CLCA1: variants seen among roughly 807,000 people sequenced by gnomAD.
The protein encoded by CLCA1 is chloride channel accessory 1, also known as calcium-activated chloride channel regulator 1.
CLCA1 carries 59 observed loss-of-function variants against 85.6 expected under a neutral mutation model. That is an observed-to-expected ratio of 0.69 (90% CI 0.56 to 0.86). CLCA1 has a LOEUF of 0.86. Among genes scored for constraint, CLCA1 ranks in the 40% least tolerant of loss-of-function variants. The probability of loss-of-function intolerance (pLI) is 0.00; values close to 1 mark genes in which losing one functional copy is unlikely to be tolerated. For synonymous variants in CLCA1, 396 were observed against 398.3 expected, an observed-to-expected ratio of 0.99 and a Z score of 0.07; for missense variants, 1,022 against 1,101.4, an observed-to-expected ratio of 0.93 and a Z score of 1.02.
At position 86,482,481 on chromosome 1, in the gene CLCA1, A is replaced by G. The variant is rs1221442673; in HGVS notation, c.735+99A>G. On this transcript the variant is annotated intron_variant, in intron 5 of 13. Coordinates refer to ENST00000394711, the MANE Select transcript of CLCA1 (RefSeq NM_001285.4). ...GGGAGAATCAAAGTTTAGAGAAATC[A>G]TCAGTGAGCAGTGGATTATCTCTGG... The G allele has an allele frequency of 5.2e-6, 6 of 1,155,154 alleles. No homozygotes were observed. In the East Asian group the frequency reaches 9.5e-5, roughly 18 times the overall value. The allele number at this position is 1,155,154 out of a possible 1,614,324, so 71.6% of individuals were successfully genotyped here. A position where few individuals can be genotyped will look rare whatever the true frequency, so the allele number is the denominator to read the frequency against.
At position 86,500,069 on chromosome 1, in the gene CLCA1, AAAAT is replaced by A; in HGVS notation, c.*29_*32del. 6.7e-7 allele frequency: 1 copy of A among 1,497,558 alleles called. No homozygotes were observed. The highest frequency in any genetic ancestry group is 9.1e-7 in the Non-Finnish European group (1 of 1,099,852). The allele number at this position is 1,497,558 out of a possible 1,614,324, so 92.8% of individuals were successfully genotyped here. A position where few individuals can be genotyped will look rare whatever the true frequency, so the allele number is the denominator to read the frequency against. On this transcript the variant is annotated 3_prime_UTR_variant, in exon 14 of 14. Coordinates refer to ENST00000394711, the MANE Select transcript of CLCA1 (RefSeq NM_001285.4). ...AGGGCTGAATTTTTGTCAGATAAAT[AAAAT>A]AAATCATTCATCCTTTTTTTTGATT...
intron 4 of CLCA1, among the ~76,000 whole-genome samples, chr1:86,481,200 G>A (rs989190593): frequency 1.3e-5 from 2 of 151,784 alleles, no homozygotes; most frequent in African/African-American, 2.4e-5. Context: ...GCAGTGGCGC[G>A]ATCTCAGCTC....
At chr1:86,494,123 A>G in intron 10 of CLCA1, 64 bp from the exon 11 acceptor site, 11 of 1,585,100 alleles carry the variant, frequency 6.9e-6, no homozygotes, top group South Asian at 3.4e-5. Context: ...CGTACGTGAC[A>G]TTGAAGTCAG....
intron 11 of CLCA1, 22 bp from the exon 12 acceptor site, chr1:86,495,483 A>G: frequency 6.3e-7 from 1 of 1,584,436 alleles, no homozygotes; most frequent in Non-Finnish European, 8.6e-7. Context: ...CCTATTTATT[A>G]ATTCCTTCAT....
rs531266854 is a variant in CLCA1, at chr1:86,498,202, G to A, written c.2114-370G>A. 1.1e-3 allele frequency among the ~76,000 whole-genome samples: 163 copies of A among 149,912 alleles called. 2 individuals are homozygous for A. The highest frequency in any genetic ancestry group is 3.6e-4 in the Non-Finnish European group (24 of 67,502). On this transcript the variant is annotated intron_variant, in intron 12 of 13. Coordinates refer to ENST00000394711, the MANE Select transcript of CLCA1 (RefSeq NM_001285.4). ...AGGAAGGAAGGATGGAAGGAAGGAA[G>A]GAAGGAAAAAACAGATGTAGTATTT... is the stretch of plus-strand genomic sequence containing the variant.
At chr1:86,475,294 TG>T (rs1309365985) in intron 3 of CLCA1, among the ~76,000 whole-genome samples, 2 of 152,196 alleles carry the variant, frequency 1.3e-5, no homozygotes, top group Non-Finnish European at 2.9e-5. Flanking sequence ...ATCCTTAGTG[TG>T]GGATACTGAG....
At chr1:86,488,521 T>A (rs1490063046) in intron 7 of CLCA1, among the ~76,000 whole-genome samples, 1 of 152,170 alleles carries the variant, frequency 6.6e-6, no homozygotes, top group East Asian at 1.9e-4. Context: ...ACCTAGGTAA[T>A]GACCAATCAG....
chr1:86,498,638 G>A lies in CLCA1; in HGVS notation c.2180G>A (p.Cys727Tyr). 1 of 1,614,072 alleles carries A rather than the reference G, an allele frequency of 6.2e-7. No individual in the cohort carries two copies. Among genetic ancestry groups the A allele is most frequent in the Non-Finnish European group, 8.5e-7 (1 of 1,179,990 alleles). Residue 727 changes from cysteine to tyrosine, a missense_variant, in exon 13 of 14, where the codon TGT becomes TAT. Cys to Tyr is a radical substitution (Grantham distance 194). Coordinates refer to ENST00000394711, the MANE Select transcript of CLCA1 (RefSeq NM_001285.4). ...NKDDVQHKQV[C>Y]FSRTSSGGSF... Reference sequence around the variant, plus strand: ...GATGATGTTCAACACAAGCAAGTGTGTTTCAGCAGAACATCCTCGGGAGGC... The same window carrying A: ...GATGATGTTCAACACAAGCAAGTGTATTTCAGCAGAACATCCTCGGGAGGC...
Position 86,469,115 on chromosome 1 carries a change from A to C in CLCA1, c.144A>C (p.Thr48=). ...ACCCCAATGTGCCAGAAGATGAAAC[A>C]CTCATTCAACAAATAAAGGTAAGTT... The part of the protein sequence containing the change: ...AIDPNVPEDE[T]LIQQIKDMVT... The change falls in exon 1 of 14, where the codon ACA becomes ACC. Residue 48 remains threonine (T), a synonymous_variant. Transcript: ENST00000394711. The C allele has an allele frequency of 6.2e-7, 1 of 1,605,148 alleles. No homozygotes were observed. Among genetic ancestry groups the C allele is most frequent in the Non-Finnish European group, 8.5e-7 (1 of 1,175,094 alleles).
At chr1:86,486,891 G>A in intron 7 of CLCA1, 138 bp downstream of exon 7, 1 of 774,192 alleles carries the variant, frequency 1.3e-6, no homozygotes, top group Non-Finnish European at 2.1e-6. Context: ...ATATTTACTT[G>A]GAGACTGTTT....
chr1:86,481,776 T>A (rs1647828494), intron 4 of CLCA1, among the ~76,000 whole-genome samples: 1 of 152,080 alleles, frequency 6.6e-6, no homozygotes, highest in Admixed American at 6.6e-5. Context: ...AAAATACCTA[T>A]GAACATACCA....
chr1:86,491,713 T>C (rs945755520), intron 9 of CLCA1, among the ~76,000 whole-genome samples: 4 of 152,230 alleles, frequency 2.6e-5, no homozygotes, highest in Admixed American at 6.5e-5. Context: ...TCATCTCAAT[T>C]ACAAATTTTC....
In CLCA1 at chr1:86,473,809, G is replaced by A; in HGVS notation, c.384G>A (p.Lys128=). 1 of 1,612,656 alleles carries A rather than the reference G, an allele frequency of 6.2e-7. No individual in the cohort carries two copies. Among genetic ancestry groups the A allele is most frequent in the East Asian group, 2.2e-5 (1 of 44,868 alleles). ...AGCAGATGGGCAACTGTGGAGAGAA[G>A]GGTGAAAGGATCCACCTCACTCCTG... ...YTEQMGNCGE[K]GERIHLTPDF... The change falls in exon 3 of 14, where the codon AAG becomes AAA. Residue 128 remains lysine, a synonymous_variant. Transcript: ENST00000394711.
intron 4 of CLCA1, among the ~76,000 whole-genome samples, chr1:86,479,493 G>A (rs142667966): frequency 4.6e-5 from 7 of 152,140 alleles, no homozygotes; most frequent in East Asian, 3.9e-4. Flanking sequence ...CTAAGAGTTC[G>A]TTGAGTAGAT....
intron 3 of CLCA1, among the ~76,000 whole-genome samples, 166 bp downstream of exon 3, chr1:86,474,042 T>G (rs535767189): frequency 6.6e-6 from 1 of 152,380 alleles, no homozygotes; most frequent in Non-Finnish European, 1.5e-5. Context: ...CACTTAGAAT[T>G]TCCAGCATTT....
chr1:86,495,811 A>C, intron 12 of CLCA1, 136 bp downstream of exon 12: 2 of 812,810 alleles, frequency 2.5e-6, no homozygotes, highest in Non-Finnish European at 3.7e-6. Context: ...ATTTTGAGCC[A>C]GACAATCCTT....
intron 9 of CLCA1, among the ~76,000 whole-genome samples, chr1:86,491,837 T>C (rs566707002): frequency 6.6e-6 from 1 of 152,308 alleles, no homozygotes; most frequent in South Asian, 2.1e-4. Flanking sequence ...AAAAAGCCAG[T>C]GGTGTGAGTC....
Position 86,473,625 on chromosome 1 carries a change from T to C in CLCA1, c.303+68T>C, listed in dbSNP as rs1351452950. On this transcript the variant is annotated intron_variant, in intron 2 of 13. Transcript: ENST00000394711. ...TAACCAAGATTTTTTAAAATCAAAA[T>C]ATTCTAGAATCAAATGTGATTGTTT... 43 of 1,484,958 alleles carry C rather than the reference T, an allele frequency of 2.9e-5. No homozygotes were observed. The Admixed American group carries it at 8.6e-4, about 30-fold the overall frequency. 92.0% of individuals were successfully genotyped at this position (1,484,958 alleles called of 1,614,324 possible).
chr1:86,480,364 G>C (rs564096966), intron 4 of CLCA1, among the ~76,000 whole-genome samples: 3 of 152,226 alleles, frequency 2.0e-5, no homozygotes, highest in African/African-American at 7.2e-5. Context: ...TAGAAAAATA[G>C]ACAAAGGAGA....
Sources: allele counts gnomAD v4.1 joint callset (sites outside exome capture counted in the v4.1 genomes callset), GRCh38; gene constraint gnomAD v4.1.1; transcripts MANE v1.5; gene names NCBI Gene and HGNC (gene_info 2026-07-23, HGNC 2026-07-21).